CFAP74: variants seen among roughly 807,000 people sequenced by gnomAD.
The protein encoded by CFAP74 is cilia and flagella associated protein 74.
A neutral mutation model predicts 188.9 loss-of-function variants in CFAP74; 124 were observed. That is an observed-to-expected ratio of 0.66 (90% CI 0.57 to 0.76). CFAP74 has a LOEUF of 0.76. Among genes scored for constraint, CFAP74 ranks in the 30% least tolerant of loss-of-function variants. The probability of loss-of-function intolerance (pLI) is 0.00; values close to 1 mark genes in which losing one functional copy is unlikely to be tolerated. For missense variants in CFAP74, 2,198 were observed against 2,165.2 expected, an observed-to-expected ratio of 1.02 and a Z score of -0.30; for synonymous variants, 956 against 916.7, an observed-to-expected ratio of 1.04 and a Z score of -0.77.
chr1:1,943,171 C>T (rs190598790), intron 21 of CFAP74, among the ~76,000 whole-genome samples: 9 of 152,312 alleles, frequency 5.9e-5, no homozygotes, highest in Admixed American at 5.2e-4. Flanking sequence ...CAACCACAGC[C>T]GGAGACCATC....
At chr1:1,924,651 C>G in intron 33 of CFAP74, 131 bp from the exon 34 acceptor site, 1 of 956,914 alleles carries the variant, frequency 1.0e-6, no homozygotes, top group Non-Finnish European at 1.5e-6. Flanking sequence ...CCTGATGACG[C>G]CAGCACACGT....
intron 1 of CFAP74, among the ~76,000 whole-genome samples, chr1:2,001,028 G>A (rs28588769): frequency 0.32 from 48,212 of 151,990 alleles, 8,162 homozygotes; most frequent in Middle Eastern, 0.46. Flanking sequence ...CTGGGCTGTC[G>A]GAGCCTGGCT....
At chr1:1,964,862 C>A (rs754615139) in intron 13 of CFAP74, 26 bp downstream of exon 13, 1 of 1,612,908 alleles carries the variant, frequency 6.2e-7, no homozygotes, top group Non-Finnish European at 8.5e-7. Context: ...CTGCCCGTCC[C>A]GTTCCTGGCC....
At chr1:1,970,838 G>A in intron 9 of CFAP74, 22 bp from the exon 10 acceptor site, 1 of 1,612,948 alleles carries the variant, frequency 6.2e-7, no homozygotes, top group South Asian at 1.1e-5. Context: ...AGAGCACTGA[G>A]ATGACAGCAG....
At chr1:1,964,120 C>T (rs561083490) in intron 13 of CFAP74, among the ~76,000 whole-genome samples, 1 of 152,214 alleles carries the variant, frequency 6.6e-6, no homozygotes, top group Non-Finnish European at 1.5e-5. Flanking sequence ...CTGGGGCCCG[C>T]AGGTGGGAGT....
intron 25 of CFAP74, among the ~76,000 whole-genome samples, chr1:1,932,066 CAAAA>C (rs1214190743): frequency 2.0e-5 from 1 of 49,428 alleles, no homozygotes; most frequent in Non-Finnish European, 3.7e-5. Context: ...ACTCTCGCCT[CAAAA>C]AAAAAAAAAC....
Position 1,926,242 on chromosome 1 carries a change from G to T in CFAP74, c.3934C>A (p.His1312Asn), listed in dbSNP as rs1213696867. 1.3e-6 allele frequency: 2 copies of T among 1,518,364 alleles called. No homozygotes were observed. The highest frequency in any genetic ancestry group is 1.8e-6 in the Non-Finnish European group (2 of 1,129,950). 94.1% of individuals were successfully genotyped at this position (1,518,364 alleles called of 1,614,324 possible). A position where few individuals can be genotyped will look rare whatever the true frequency, so the allele number is the denominator to read the frequency against. The change falls in exon 32 of 39, where the codon CAC becomes AAC. Residue 1312 changes from histidine (H) to asparagine (N), a missense_variant. Coordinates refer to ENST00000682832, the MANE Select transcript of CFAP74 (RefSeq NM_001304360.2). Reference sequence around the variant, plus strand: ...CTGGGACTCACCAGGATGCTCTCGTGGGGAGAGAAGGAAAGCACCAGGACC... The same window carrying T: ...CTGGGACTCACCAGGATGCTCTCGTTGGGAGAGAAGGAAAGCACCAGGACC... ...TQVLVLSFSPHESILAQETLD... is the reference protein window; with the variant it reads ...TQVLVLSFSPNESILAQETLD...
At chr1:1,948,021 T>C (rs1653890721) in intron 18 of CFAP74, among the ~76,000 whole-genome samples, 1 of 152,210 alleles carries the variant, frequency 6.6e-6, no homozygotes, top group South Asian at 2.1e-4. Context: ...TACACGCACC[T>C]GCCATCATGC....
Position 1,964,982 on chromosome 1 carries a change from C to T in CFAP74, c.1481G>A (p.Arg494Gln), listed in dbSNP as rs777575611. ...DKDILERTVE[R>Q]LRSRVVHKQV... ...CTTGTGGACCACCCTGCTCCGCAGC[C>T]GCTCCACCGTGCGCTCCAGGATGTC... Residue 494 changes from arginine (R) to glutamine (Q), a missense_variant, in exon 13 of 39, where the codon CGG (arginine) becomes CAG (glutamine). Arg to Gln is a conservative substitution (Grantham distance 43). Transcript: ENST00000682832. The T allele has an allele frequency of 1.5e-5, 24 of 1,613,838 alleles. No homozygotes were observed. In the East Asian group the frequency reaches 2.7e-4, roughly 18 times the overall value.
chr1:1,965,657 T>TG (rs142484867), intron 12 of CFAP74, among the ~76,000 whole-genome samples: 152 of 151,124 alleles, frequency 1.0e-3, no homozygotes, highest in African/African-American at 2.2e-3. Flanking sequence ...CTTCCCGGGG[T>TG]GGGGGGGGCA....
chr1:1,979,273 G>A lies in CFAP74; in HGVS notation c.501-5075C>T, dbSNP rs113060889. 1.1e-3 allele frequency among the ~76,000 whole-genome samples: 116 copies of A among 102,760 alleles called. 1 individual carries two copies. The highest frequency in any genetic ancestry group is 9.6e-3 in the Middle Eastern group (1 of 104). The allele number at this position is 102,760 out of a possible 152,430, so 67.4% of individuals were successfully genotyped here. On this transcript the variant is annotated intron_variant, in intron 6 of 38. Transcript: ENST00000682832. ...CGTGCTGAGCTGGGCGTGGGAAGGC[G>A]TCATGTGACGAGGCTGCACAGAACA...
chr1:1,940,544 C>G (rs922359385), intron 22 of CFAP74, 141 bp from the exon 23 acceptor site: 1 of 610,132 alleles, frequency 1.6e-6, no homozygotes. Flanking sequence ...CGCATCGCGC[C>G]GCCCTCCTGC....
chr1:1,940,085 G>A (rs1653261470), intron 23 of CFAP74, among the ~76,000 whole-genome samples: 1 of 152,254 alleles, frequency 6.6e-6, no homozygotes, highest in East Asian at 1.9e-4. Flanking sequence ...ACATGCAGGT[G>A]CAGGTGCCTG....
Position 1,922,713 on chromosome 1 carries a change from A to C in CFAP74, c.4694T>G (p.Phe1565Cys). The change falls in exon 38 of 39, where the codon TTC becomes TGC. Residue 1565 changes from phenylalanine to cysteine, a missense_variant. By Grantham distance (205) the Phe-to-Cys change is radical. Coordinates refer to ENST00000682832, the MANE Select transcript of CFAP74 (RefSeq NM_001304360.2). ...CAGGGATGCGACGCTGTCTATGCTGAACTCAACGGTCTGTGGGGTATGGGG... is the reference window on the plus strand; with the variant it reads ...CAGGGATGCGACGCTGTCTATGCTGCACTCAACGGTCTGTGGGGTATGGGG... The part of the protein sequence containing the change: ...TQPSPKKTVE[F>C]SIDSVASLQH... The C allele has an allele frequency of 6.2e-7, 1 of 1,602,756 alleles. No homozygotes were observed.
Position 1,930,298 on chromosome 1 carries a change from G to T in CFAP74, c.3050C>A (p.Pro1017Gln). ...KLSCRAVGVH[P>Q]PLELSHYQIK... ...CTGGTAGTGGGACAGCTCCAGGGGT[G>T]GGTGGACGCCTACAGCCCGGCAAGA... Residue 1017 changes from proline (P) to glutamine (Q), a missense_variant, in exon 26 of 39, where the codon CCA becomes CAA. Coordinates refer to ENST00000682832, the MANE Select transcript of CFAP74 (RefSeq NM_001304360.2). The T allele has an allele frequency of 6.5e-7, 1 of 1,532,524 alleles. No homozygotes were observed. Among genetic ancestry groups the T allele is most frequent in the South Asian group, 1.2e-5 (1 of 83,950 alleles). The allele number at this position is 1,532,524 out of a possible 1,614,324, so 94.9% of individuals were successfully genotyped here.
At chr1:1,992,135 T>C (rs1445688507) in intron 1 of CFAP74, among the ~76,000 whole-genome samples, 1 of 151,090 alleles carries the variant, frequency 6.6e-6, no homozygotes, top group Admixed American at 6.6e-5. Context: ...CTGGTGGGAG[T>C]GTAAAGGGAT....
In CFAP74 at chr1:1,974,135, A is replaced by G; in HGVS notation, c.564T>C (p.Arg188=). ...GCCGCCCCGTGGCCTCCACCTCCTCACGGTCAGCTGTCCGGAAGGCCTCGA... is the reference window on the plus strand; with the variant it reads ...GCCGCCCCGTGGCCTCCACCTCCTCGCGGTCAGCTGTCCGGAAGGCCTCGA... ...GRLEAFRTAD[R]EEVEATGRRL... Residue 188 remains arginine (R), a synonymous_variant, in exon 7 of 39, where the codon CGT becomes CGC. Transcript: ENST00000682832. 2.5e-6 allele frequency: 4 copies of G among 1,611,936 alleles called. No homozygotes were observed. The highest frequency in any genetic ancestry group is 3.4e-6 in the Non-Finnish European group (4 of 1,179,078).
chr1:1,968,856 TGAGTGCAA>T lies in CFAP74; in HGVS notation c.1047-31_1047-24del. On this transcript the variant is annotated intron_variant, in intron 10 of 38. Transcript: ENST00000682832. This position sits in a 1 kb window ranked among gnomAD's most constrained non-coding sequence, Gnocchi z 4.3. ...GCCCTGCGTGGAGTCGCTTCTCAGA[TGAGTGCAA>T]GAGGTCCCCTGCCTCCACCTTGCCC... is the stretch of plus-strand genomic sequence containing the variant. 1 of 1,611,854 alleles carries T rather than the reference TGAGTGCAA, an allele frequency of 6.2e-7. No individual in the cohort carries two copies. Among genetic ancestry groups the T allele is most frequent in the Non-Finnish European group, 8.5e-7 (1 of 1,179,108 alleles).
intron 12 of CFAP74, 57 bp from the exon 13 acceptor site, chr1:1,965,118 G>A (rs1257266049): frequency 8.4e-6 from 13 of 1,541,138 alleles, no homozygotes; most frequent in East Asian, 2.3e-5. Flanking sequence ...GGGCGGCGCC[G>A]GTGGCAGCTC....
Sources: gnomAD v4.1 joint callset for allele counts (sites outside exome capture counted in the v4.1 genomes callset) on GRCh38, gnomAD v4.1.1 for gene constraint, Gnocchi (gnomAD v3.1) non-coding constraint, MANE v1.5 for transcripts, NCBI Gene and HGNC (gene_info 2026-07-23, HGNC 2026-07-21) for gene names.